The following COL19A1 variants were observed in gnomAD, a reference collection of about 807,000 sequenced individuals.
The protein encoded by COL19A1 is collagen type XIX alpha 1 chain.
In COL19A1, 159 loss-of-function variants were observed where a neutral mutation model predicts 190.2. The ratio of observed to expected loss-of-function variants is 0.84; its 90% confidence interval spans 0.73 to 0.95. The LOEUF is 0.95. Ranked by LOEUF, COL19A1 falls within the 40% of genes least tolerant of loss-of-function variation. The probability of loss-of-function intolerance (pLI) is 0.00; values close to 1 mark genes in which losing one functional copy is unlikely to be tolerated. For synonymous variants in COL19A1, 509 were observed against 458.9 expected, an observed-to-expected ratio of 1.11 and a Z score of -1.39; for missense variants, 1,418 against 1,431.9, an observed-to-expected ratio of 0.99 and a Z score of 0.16.
rs796427259 is a variant in COL19A1 at position 70,211,224 on chromosome 6, G to GT, written c.*3958dup. 3.9e-4 allele frequency among the ~76,000 whole-genome samples: 59 copies of GT among 151,772 alleles called. No homozygotes were observed. The highest frequency in any genetic ancestry group is 1.2e-3 in the African/African-American group (50 of 41,388). On this transcript the variant is annotated 3_prime_UTR_variant, in exon 51 of 51. Transcript: ENST00000620364. ...TTACAAAAGTACAATTAGAAACACT[G>GT]TTTTTTTTAAGTACCGTTTTTATTT... is the stretch of plus-strand genomic sequence containing the variant.
chr6:70,122,465 A>C (rs9446202), intron 17 of COL19A1, among the ~76,000 whole-genome samples: 9,670 of 152,236 alleles, frequency 0.064, 1,011 homozygotes, highest in African/African-American at 0.22. Flanking sequence ...GGAAGTATCC[A>C]AATGGCAAAA....
chr6:69,888,993 A>G (rs573405906), intron 2 of COL19A1, among the ~76,000 whole-genome samples: 85 of 152,364 alleles, frequency 5.6e-4, no homozygotes, highest in Non-Finnish European at 1.1e-3. Flanking sequence ...AAGGAAACAA[A>G]GAGCCTTTAT....
intron 2 of COL19A1, among the ~76,000 whole-genome samples, chr6:69,886,927 C>T (rs1357377270): frequency 6.6e-6 from 1 of 152,086 alleles, no homozygotes; most frequent in Non-Finnish European, 1.5e-5. Context: ...AAATCTTACA[C>T]CTAAATAATT....
chr6:69,986,474 T>C (rs1562062065), intron 11 of COL19A1, among the ~76,000 whole-genome samples: 1 of 152,108 alleles, frequency 6.6e-6, no homozygotes, highest in Non-Finnish European at 1.5e-5. Context: ...TTTCTGAGCC[T>C]CATTCCTGAT....
At chr6:70,155,851 A>G (rs775971413) in intron 31 of COL19A1, among the ~76,000 whole-genome samples, 26 of 152,086 alleles carry the variant, frequency 1.7e-4, no homozygotes, top group African/African-American at 2.4e-5. Flanking sequence ...TTCCTTATTT[A>G]TTTGGAATTT....
At chr6:70,167,978 A>G (rs1765267126) in intron 37 of COL19A1, 47 bp from the exon 38 acceptor site, 5 of 1,360,258 alleles carry the variant, frequency 3.7e-6, no homozygotes, top group Non-Finnish European at 5.1e-6. Context: ...TAGAGATGCA[A>G]AGTATTAACT....
chr6:69,929,391 T>G (rs1280540692), intron 5 of COL19A1, 34 bp from the exon 6 acceptor site: 1 of 1,586,068 alleles, frequency 6.3e-7, no homozygotes, highest in Non-Finnish European at 8.6e-7. Context: ...ACATTGATTT[T>G]TAAAACATTT....
At chr6:70,093,695 T>C (rs1013101670) in intron 15 of COL19A1, among the ~76,000 whole-genome samples, 2 of 152,192 alleles carry the variant, frequency 1.3e-5, no homozygotes, top group African/African-American at 4.8e-5. Flanking sequence ...ACCTAAATTG[T>C]GAATGATCGG....
At chr6:70,115,911 A>T (rs1461682627) in intron 16 of COL19A1, among the ~76,000 whole-genome samples, 1 of 151,308 alleles carries the variant, frequency 6.6e-6, no homozygotes, top group Non-Finnish European at 1.5e-5. Flanking sequence ...TCAGAAAAAA[A>T]ATCCATTACA....
chr6:69,993,301 T>A (rs1374335604), intron 11 of COL19A1, among the ~76,000 whole-genome samples: 1 of 152,204 alleles, frequency 6.6e-6, no homozygotes, highest in East Asian at 1.9e-4. Context: ...TTCCCAGGAA[T>A]AAAGCCTACT....
intron 14 of COL19A1, chr6:70,059,736 C>G (rs57799585): frequency 1.9e-6 from 1 of 514,330 alleles, no homozygotes; most frequent in Middle Eastern, 3.3e-4. Context: ...CCTATGTAGA[C>G]CTATGCAGAT....
intron 15 of COL19A1, chr6:70,098,491 C>A: frequency 2.0e-6 from 1 of 498,964 alleles, no homozygotes; most frequent in South Asian, 1.5e-5. Context: ...TCAGGTGCCT[C>A]ATTCGACCAG....
At chr6:70,189,788 C>A (rs1381742112) in intron 47 of COL19A1, among the ~76,000 whole-genome samples, 1 of 152,120 alleles carries the variant, frequency 6.6e-6, no homozygotes, top group Non-Finnish European at 1.5e-5. Flanking sequence ...ACAGAATAAA[C>A]TTTATGATGA....
At chr6:69,956,137 G>A (rs1774407022) in intron 9 of COL19A1, among the ~76,000 whole-genome samples, 1 of 151,778 alleles carries the variant, frequency 6.6e-6, no homozygotes, top group African/African-American at 2.4e-5. Context: ...ATACACTCAG[G>A]ATAATAGATT....
chr6:69,875,743 A>G (rs906173401), intron 1 of COL19A1, among the ~76,000 whole-genome samples: 1 of 152,202 alleles, frequency 6.6e-6, no homozygotes, highest in Non-Finnish European at 1.5e-5. Flanking sequence ...TCAGGAATTT[A>G]TCTGGATGTA....
At chr6:69,872,616 AC>A (rs567394191) in intron 1 of COL19A1, among the ~76,000 whole-genome samples, 79 of 152,348 alleles carry the variant, frequency 5.2e-4, no homozygotes, top group African/African-American at 1.9e-3. Flanking sequence ...AAATTCACTT[AC>A]CCAGCTGGTA....
In COL19A1 at chr6:70,072,236, G is replaced by C. The variant is rs146587640; in HGVS notation, c.1224+3760G>C. ...GATTTCTTAGTATTCCTAACAAACA[G>C]ACTCTCCCCAAAAATAATGAAAACA... On this transcript the variant is annotated intron_variant, in intron 15 of 50. Transcript: ENST00000620364. Among the ~76,000 whole-genome samples the C allele has an allele frequency of 7.8e-4, 118 of 152,220 alleles. 2 individuals carry two copies. In the East Asian group the frequency reaches 0.021, roughly 27 times the overall value.
At chr6:69,887,683 A>G (rs1349231213) in intron 2 of COL19A1, among the ~76,000 whole-genome samples, 3 of 152,220 alleles carry the variant, frequency 2.0e-5, no homozygotes, top group Admixed American at 6.5e-5. Context: ...TCAGCTAAAG[A>G]TGAGTTCCTT....
chr6:69,892,789 C>T (rs1769442654), intron 2 of COL19A1, among the ~76,000 whole-genome samples: 1 of 152,166 alleles, frequency 6.6e-6, no homozygotes, highest in African/African-American at 2.4e-5. Flanking sequence ...AACTGGGCTT[C>T]TATCATCCCT....
Sources: gnomAD v4.1 joint callset for allele counts (sites outside exome capture counted in the v4.1 genomes callset) on GRCh38, gnomAD v4.1.1 for gene constraint, MANE v1.5 for transcripts, NCBI Gene and HGNC (gene_info 2026-07-23, HGNC 2026-07-21) for gene names.